FBXO3: variants seen among roughly 807,000 people sequenced by gnomAD.
FBXO3 encodes F-box protein 3.
A neutral mutation model predicts 64.8 loss-of-function variants in FBXO3; 17 were observed. That is an observed-to-expected ratio of 0.26 (90% CI 0.18 to 0.39). FBXO3 has a LOEUF of 0.39. Ranked by LOEUF, FBXO3 falls within the 10% of genes least tolerant of loss-of-function variation. The probability of loss-of-function intolerance (pLI) is 1.00; values close to 1 mark genes in which losing one functional copy is unlikely to be tolerated. For synonymous variants in FBXO3, 182 were observed against 201.6 expected, an observed-to-expected ratio of 0.90 and a Z score of 0.82; for missense variants, 420 against 589.9, an observed-to-expected ratio of 0.71 and a Z score of 2.98.
intron 5 of FBXO3, among the ~76,000 whole-genome samples, chr11:33,755,007 A>C (rs756030851): frequency 4.6e-5 from 7 of 151,864 alleles, no homozygotes; most frequent in African/African-American, 7.3e-5. Context: ...GCTGGGACTA[A>C]GGCATGCGCC....
At chr11:33,765,450 TGAA>T (rs1428656163) in intron 3 of FBXO3, among the ~76,000 whole-genome samples, 3 of 152,042 alleles carry the variant, frequency 2.0e-5, no homozygotes, top group African/African-American at 7.2e-5. Context: ...AAGAATTTCT[TGAA>T]GAAGAGAGAG....
chr11:33,767,932 C>A (rs543376316), intron 3 of FBXO3, among the ~76,000 whole-genome samples: 3 of 152,296 alleles, frequency 2.0e-5, no homozygotes, highest in African/African-American at 4.8e-5. Context: ...ATCATTCTTT[C>A]TTCTACCTTT....
Position 33,753,718 on chromosome 11 carries a change from A to G in FBXO3, c.724+737T>C, listed in dbSNP as rs192708462. 7.2e-5 allele frequency: 11 copies of G among 152,352 alleles called. 1 individual carries two copies. In the East Asian group the frequency reaches 2.1e-3, roughly 29 times the overall value. The allele number at this position is 152,352 out of a possible 1,614,324, so 9.4% of individuals were successfully genotyped here. On this transcript the variant is annotated intron_variant, in intron 6 of 10. Coordinates refer to ENST00000265651, the MANE Select transcript of FBXO3 (RefSeq NM_012175.4). ...AGACTTATACATTGTTCAAAGTTCC[A>G]ATGAGAAGACAGAAGTGAATACAAA... is the stretch of plus-strand genomic sequence containing the variant.
chr11:33,756,005 T>C (rs766032354), intron 4 of FBXO3, 30 bp from the exon 5 acceptor site: 21 of 1,570,212 alleles, frequency 1.3e-5, no homozygotes, highest in Non-Finnish European at 1.8e-5. Flanking sequence ...AAACATGTAA[T>C]ACACGGCAGT....
At chr11:33,771,099 C>T in intron 1 of FBXO3, 1 of 272,160 alleles carries the variant, frequency 3.7e-6, no homozygotes, top group Non-Finnish European at 7.1e-6. Flanking sequence ...ACCATATATG[C>T]CATTGGAGTT....
chr11:33,770,618 G>T lies in FBXO3; in HGVS notation c.194+123C>A, dbSNP rs1855488512. ...GGCAAATACCAACATTTACTAGCAG[G>T]CACGAGAAGAGCCACCAAAGGAGAT... On this transcript the variant is annotated intron_variant, in intron 2 of 10. Coordinates refer to ENST00000265651, the MANE Select transcript of FBXO3 (RefSeq NM_012175.4). 10 of 669,514 alleles carry T rather than the reference G, an allele frequency of 1.5e-5. 1 individual carries two copies. The South Asian group carries it at 2.3e-4, about 15-fold the overall frequency. 41.5% of individuals were successfully genotyped at this position (669,514 alleles called of 1,614,324 possible). A position where few individuals can be genotyped will look rare whatever the true frequency, so the allele number is the denominator to read the frequency against.
In FBXO3 at chr11:33,741,085, CACAAAG is replaced by C. The variant is rs1242783690; in HGVS notation, c.*817_*822del. ...CTAACATAAAATTCATGTCACTTAT[CACAAAG>C]ACAGTCAAGTGTATAAAGGAGAAAC... On this transcript the variant is annotated 3_prime_UTR_variant, in exon 11 of 11. Transcript: ENST00000265651. The C allele has an allele frequency of 6.6e-6, 1 of 152,594 alleles. No homozygotes were observed. The highest frequency in any genetic ancestry group is 1.5e-5 in the Non-Finnish European group (1 of 68,046). 9.5% of individuals were successfully genotyped at this position (152,594 alleles called of 1,614,324 possible).
At chr11:33,760,586 A>C (rs138187848) in intron 3 of FBXO3, among the ~76,000 whole-genome samples, 375 of 152,270 alleles carry the variant, frequency 2.5e-3, no homozygotes, top group African/African-American at 8.4e-3. Flanking sequence ...TGGAGGCTGC[A>C]ATGGGCTATG....
At chr11:33,761,426 A>C (rs1855238863) in intron 3 of FBXO3, among the ~76,000 whole-genome samples, 1 of 152,244 alleles carries the variant, frequency 6.6e-6, no homozygotes, top group Non-Finnish European at 1.5e-5. Context: ...TAAGGCAAAC[A>C]ACTTTATTAG....
intron 9 of FBXO3, among the ~76,000 whole-genome samples, chr11:33,748,438 T>C (rs1854871083): frequency 6.6e-6 from 1 of 152,130 alleles, no homozygotes; most frequent in African/African-American, 2.4e-5. Flanking sequence ...GACTGAAATC[T>C]ACAAACAATA....
chr11:33,749,013 C>T lies in FBXO3; in HGVS notation c.933-121G>A, dbSNP rs189011583. 1.6e-5 allele frequency: 8 copies of T among 495,974 alleles called. No homozygotes were observed. In the East Asian group the frequency reaches 2.4e-4, roughly 15 times the overall value. 30.7% of individuals were successfully genotyped at this position (495,974 alleles called of 1,614,324 possible). On this transcript the variant is annotated intron_variant, in intron 8 of 10. Transcript: ENST00000265651. ...ATTTCCAAAAAATTAAGAAACCCAA[C>T]CCAAAGTCCATGTTAGCCATCTATT... is the stretch of plus-strand genomic sequence containing the variant.
chr11:33,759,036 G>A (rs1397462751), intron 3 of FBXO3, among the ~76,000 whole-genome samples: 2 of 152,276 alleles, frequency 1.3e-5, no homozygotes, highest in African/African-American at 4.8e-5. Flanking sequence ...GTTCATGTGT[G>A]AGGAGGCCAT....
At chr11:33,744,344 A>C (rs572816441) in intron 10 of FBXO3, 1 of 152,350 alleles carries the variant, frequency 6.6e-6, no homozygotes, top group South Asian at 2.1e-4. Flanking sequence ...GCAGAGAGGA[A>C]CACACAGAGA....
intron 8 of FBXO3, among the ~76,000 whole-genome samples, chr11:33,749,116 AC>A (rs1203075382): frequency 6.6e-6 from 1 of 152,204 alleles, no homozygotes; most frequent in African/African-American, 2.4e-5. Flanking sequence ...TATGCATTTG[AC>A]TGTCAGTGTG....
chr11:33,772,724 T>C (rs1025264984), intron 1 of FBXO3: 1 of 152,182 alleles, frequency 6.6e-6, no homozygotes, highest in Non-Finnish European at 1.5e-5. Flanking sequence ...CACTGGACTG[T>C]AAGCTCCATA....
intron 1 of FBXO3, chr11:33,772,349 T>C (rs182472259): frequency 1.3e-5 from 2 of 152,294 alleles, no homozygotes; most frequent in Admixed American, 6.5e-5. Context: ...TACAGAGGGA[T>C]CATGTCACTT....
In FBXO3 at chr11:33,770,725, T is replaced by C. The variant is rs536749586; in HGVS notation, c.194+16A>G. 4 of 1,601,410 alleles carry C rather than the reference T, an allele frequency of 2.5e-6. No individual in the cohort carries two copies. In the South Asian group the frequency reaches 4.4e-5, roughly 18 times the overall value. ...AAGGGCCAGTTTTCAGAAGTACATA[T>C]TCCTCGAATACTCACTCAGATATCA... On this transcript the variant is annotated intron_variant, in intron 2 of 10. Coordinates refer to ENST00000265651, the MANE Select transcript of FBXO3 (RefSeq NM_012175.4).
At position 33,765,270 on chromosome 11, in the gene FBXO3, T is replaced by C. The variant is rs537737605; in HGVS notation, c.358+3581A>G. ...CTCTGAACTCTCTTTGCAACTTTTCTGTAAATCTCAAATTACTCCAAAATA... is the reference window on the plus strand; with the variant it reads ...CTCTGAACTCTCTTTGCAACTTTTCCGTAAATCTCAAATTACTCCAAAATA... On this transcript the variant is annotated intron_variant, in intron 3 of 10. Transcript: ENST00000265651. 3.0e-4 allele frequency among the ~76,000 whole-genome samples: 46 copies of C among 152,326 alleles called. 2 individuals are homozygous for C. In the South Asian group the frequency reaches 8.9e-3, roughly 29 times the overall value.
chr11:33,774,501 GCCTGGCCCGGTGCAGGTCTGGCCCCGC>G (rs1855593783), exon 1 of FBXO3: 5 of 1,540,598 alleles, frequency 3.2e-6, no homozygotes, highest in African/African-American at 1.4e-5. Context: ...CCGCCATCTT[GCCTGGCCCGGTGCAGGTCTGGCCCCGC>G]CCTGGCCCCG....
Sources: allele counts gnomAD v4.1 joint callset (sites outside exome capture counted in the v4.1 genomes callset), GRCh38; gene constraint gnomAD v4.1.1; transcripts MANE v1.5; gene names NCBI Gene and HGNC (gene_info 2026-07-23, HGNC 2026-07-21).